The following KCNN2 variants were observed in gnomAD, a reference collection of about 807,000 sequenced individuals.
The protein encoded by KCNN2 is small conductance calcium-activated potassium channel protein 2.
KCNN2 carries 24 observed loss-of-function variants against 55.5 expected under a neutral mutation model. That is an observed-to-expected ratio of 0.43 (90% CI 0.31 to 0.61). KCNN2 has a LOEUF of 0.61. Among genes scored for constraint, KCNN2 ranks in the 20% least tolerant of loss-of-function variants. KCNN2 has a pLI of 0.08. For synonymous variants in KCNN2, 431 were observed against 336.1 expected, an observed-to-expected ratio of 1.28 and a Z score of -3.09; for missense variants, 754 against 853.6, an observed-to-expected ratio of 0.88 and a Z score of 1.45.
intron 2 of KCNN2, among the ~76,000 whole-genome samples, chr5:114,389,493 T>C (rs1758396568): frequency 6.6e-6 from 1 of 152,176 alleles, no homozygotes; most frequent in Non-Finnish European, 1.5e-5. Context: ...GAGATAATTG[T>C]AGTATACACC....
intron 2 of KCNN2, among the ~76,000 whole-genome samples, chr5:114,247,345 C>T (rs1432878265): frequency 6.6e-6 from 1 of 151,912 alleles, no homozygotes; most frequent in African/African-American, 2.4e-5. Context: ...GATTCTTGGT[C>T]ACTGTCTGTC....
intron 1 of KCNN2, among the ~76,000 whole-genome samples, chr5:114,136,681 A>C (rs1580544941): frequency 1.3e-5 from 2 of 152,214 alleles, no homozygotes; most frequent in South Asian, 4.1e-4. Flanking sequence ...TGAAATTGGG[A>C]ATAAGACAAA....
rs1178003323 is a variant in KCNN2 at position 114,287,738 on chromosome 5, G to A, written c.-185+66173G>A. Among the ~76,000 whole-genome samples the A allele has an allele frequency of 2.7e-5, 4 of 147,940 alleles. No individual in the cohort carries two copies. In the East Asian group the frequency reaches 5.8e-4, roughly 22 times the overall value. ...TATGTAACCTGCACTTTCTGCACGT[G>A]TGTCTCAGAACTTAAATAAAAAAAA... On this transcript the variant is annotated intron_variant, in intron 2 of 10. Coordinates refer to the KCNN2 transcript ENST00000512097.
chr5:114,316,852 T>G (rs1756511309), intron 2 of KCNN2, among the ~76,000 whole-genome samples: 1 of 152,290 alleles, frequency 6.6e-6, no homozygotes, highest in East Asian at 1.9e-4. Context: ...AATATAAGTA[T>G]AGTCAGTCAT....
intron 2 of KCNN2, among the ~76,000 whole-genome samples, chr5:114,339,597 G>A (rs1756980533): frequency 6.6e-6 from 1 of 152,060 alleles, no homozygotes. Context: ...TAGCTCACAA[G>A]TTCGAGACCA....
chr5:114,460,333 C>G (rs1018860981), intron 3 of KCNN2, among the ~76,000 whole-genome samples: 2 of 152,212 alleles, frequency 1.3e-5, no homozygotes, highest in East Asian at 3.9e-4. Context: ...ACCTCTGCCT[C>G]CCAGGTTCAA....
intron 3 of KCNN2, among the ~76,000 whole-genome samples, chr5:114,419,063 C>G (rs914005870): frequency 6.6e-6 from 1 of 152,142 alleles, no homozygotes; most frequent in African/African-American, 2.4e-5. Flanking sequence ...AGAGATTTTA[C>G]CTGGTTTAGA....
At position 114,434,049 on chromosome 5, in the gene KCNN2, C is replaced by T. The variant is rs1759909720; in HGVS notation, c.1638-29000C>T. ...TATTTATCATATTTTTCTTTATTTT[C>T]TGTTCATTGCCCTTGTTCTGTTTTT... On this transcript the variant is annotated intron_variant, in intron 3 of 7. Transcript: ENST00000673685. 2.0e-5 allele frequency: 3 copies of T among 152,144 alleles called. No homozygotes were observed. The South Asian group carries it at 6.2e-4, about 32-fold the overall frequency. The allele number at this position is 152,144 out of a possible 1,614,324, so 9.4% of individuals were successfully genotyped here. A position where few individuals can be genotyped will look rare whatever the true frequency, so the allele number is the denominator to read the frequency against.
intron 2 of KCNN2, among the ~76,000 whole-genome samples, chr5:114,312,426 CACACACACATATATATAT>C (rs1486346189): frequency 3.2e-3 from 87 of 27,430 alleles, no homozygotes; most frequent in South Asian, 0.022. Context: ...CACACACACA[CACACACACATATATATAT>C]ATATATATAT....
At chr5:114,183,886 A>G (rs1753282583) in intron 1 of KCNN2, among the ~76,000 whole-genome samples, 1 of 151,552 alleles carries the variant, frequency 6.6e-6, no homozygotes, top group Non-Finnish European at 1.5e-5. Context: ...TTTTCTATCT[A>G]TTTTGAATTT....
At chr5:114,435,731 A>C (rs1347871228) in intron 3 of KCNN2, among the ~76,000 whole-genome samples, 1 of 152,210 alleles carries the variant, frequency 6.6e-6, no homozygotes, top group Non-Finnish European at 1.5e-5. Context: ...TAAGCATTCT[A>C]CATCATGAGT....
intron 1 of KCNN2, among the ~76,000 whole-genome samples, chr5:114,124,473 C>T (rs1049517262): frequency 1.3e-5 from 2 of 152,108 alleles, no homozygotes; most frequent in Non-Finnish European, 2.9e-5. Context: ...GATCTGCCCC[C>T]CCTGGAATTT....
chr5:114,223,603 T>C (rs1044175315), intron 2 of KCNN2, among the ~76,000 whole-genome samples: 1 of 152,246 alleles, frequency 6.6e-6, no homozygotes, highest in African/African-American at 2.4e-5. Context: ...ATCACAGCAA[T>C]TGTTTTTACA....
At chr5:114,388,057 A>G (rs1201447713) in intron 2 of KCNN2, among the ~76,000 whole-genome samples, 1 of 152,152 alleles carries the variant, frequency 6.6e-6, no homozygotes, top group Admixed American at 6.5e-5. Context: ...ACAATATAGT[A>G]TTTGCATTCT....
chr5:114,291,058 G>A (rs1755876575), intron 2 of KCNN2, among the ~76,000 whole-genome samples: 1 of 151,910 alleles, frequency 6.6e-6, no homozygotes, highest in Non-Finnish European at 1.5e-5. Flanking sequence ...CTAGAATTGT[G>A]TTTTTGTGCA....
intron 1 of KCNN2, among the ~76,000 whole-genome samples, chr5:114,160,533 A>G (rs1419678416): frequency 6.6e-6 from 1 of 152,088 alleles, no homozygotes; most frequent in Non-Finnish European, 1.5e-5. Context: ...CTTGGTGCAG[A>G]GCTGAGTTCA....
chr5:114,432,167 T>A (rs531027358), intron 3 of KCNN2, among the ~76,000 whole-genome samples: 30 of 152,344 alleles, frequency 2.0e-4, no homozygotes, highest in South Asian at 1.9e-3. Flanking sequence ...AACAGAGAGA[T>A]GTTGAAATCT....
At chr5:114,455,960 A>C (rs1223058198) in intron 3 of KCNN2, among the ~76,000 whole-genome samples, 1 of 152,240 alleles carries the variant, frequency 6.6e-6, no homozygotes, top group Non-Finnish European at 1.5e-5. Context: ...GAAAGAAACC[A>C]TCTTTATAAC....
chr5:114,464,622 C>T (rs192739268), intron 4 of KCNN2, among the ~76,000 whole-genome samples: 1 of 152,034 alleles, frequency 6.6e-6, no homozygotes. Context: ...TCCTTCTCCC[C>T]CCTCGGTAGT....
Sources: gnomAD v4.1 joint callset for allele counts (sites outside exome capture counted in the v4.1 genomes callset) on GRCh38, gnomAD v4.1.1 for gene constraint, MANE v1.5 for transcripts, NCBI Gene and HGNC (gene_info 2026-07-23, HGNC 2026-07-21) for gene names.